SV2B: variants seen among roughly 807,000 people sequenced by gnomAD.
SV2B encodes synaptic vesicle glycoprotein 2B.
A neutral mutation model predicts 73.9 loss-of-function variants in SV2B; 41 were observed. That is an observed-to-expected ratio of 0.56 (90% CI 0.43 to 0.72). SV2B has a LOEUF of 0.72. Among genes scored for constraint, SV2B ranks in the 30% least tolerant of loss-of-function variants. The pLI is 0.00. For synonymous variants in SV2B, 314 were observed against 314.2 expected (o/e 1.00, Z 0.01); for missense variants, 764 against 857.8 (o/e 0.89, Z 1.37).
intron 1 of SV2B, among the ~76,000 whole-genome samples, chr15:91,216,291 G>A (rs1039097943): frequency 2.6e-5 from 4 of 152,114 alleles, no homozygotes; most frequent in African/African-American, 9.7e-5. Context: ...TGGTCAGAAA[G>A]TTGATAACAA....
At chr15:91,155,684 C>A (rs1371975823) in intron 1 of SV2B, among the ~76,000 whole-genome samples, 1 of 152,096 alleles carries the variant, frequency 6.6e-6, no homozygotes, top group Non-Finnish European at 1.5e-5. Flanking sequence ...ATGCCCTACT[C>A]CCTCACAGTA....
chr15:91,258,907 GGAGACCTCAT>G lies in SV2B; in HGVS notation c.918+354_918+363del, dbSNP rs2047804050. On this transcript the variant is annotated intron_variant, in intron 5 of 12. Coordinates refer to ENST00000394232, the MANE Select transcript of SV2B (RefSeq NM_001323032.3). This position sits in a 1 kb window ranked among gnomAD's most constrained non-coding sequence, Gnocchi z 4.7. The stretch of plus-strand genomic sequence containing the variant: ...AAGTTTTTTAGCCTGGGCTACACAG[GGAGACCTCAT>G]CTCTACAAAAAAAAAAAAAAAAAAA... Among the ~76,000 whole-genome samples the G allele has an allele frequency of 6.8e-6, 1 of 147,860 alleles. No individual in the cohort carries two copies. The highest frequency in any genetic ancestry group is 2.6e-5 in the African/African-American group (1 of 39,050).
At chr15:91,117,821 G>C (rs2042223296) in intron 1 of SV2B, among the ~76,000 whole-genome samples, 1 of 152,150 alleles carries the variant, frequency 6.6e-6, no homozygotes, top group Non-Finnish European at 1.5e-5. Context: ...TATTACATGG[G>C]GGAAAAGAAT....
chr15:91,110,098 G>C lies in SV2B; in HGVS notation c.-392+9735G>C, dbSNP rs888091053. ...CATTACAAATCACGCTCACTCAGGA[G>C]TAATGATGGACAGCTCATTTATCCA... On this transcript the variant is annotated intron_variant, in intron 1 of 12. Coordinates refer to ENST00000394232, the MANE Select transcript of SV2B (RefSeq NM_001323032.3). The surrounding 1 kb of genome is among the most constrained non-coding windows in gnomAD (Gnocchi z 5.4). 6.6e-6 allele frequency among the ~76,000 whole-genome samples: 1 copy of C among 152,150 alleles called. No homozygotes were observed. The highest frequency in any genetic ancestry group is 1.5e-5 in the Non-Finnish European group (1 of 68,020).
Position 91,110,649 on chromosome 15 carries a change from G to T in SV2B, c.-392+10286G>T, listed in dbSNP as rs1001759477. 1.3e-5 allele frequency among the ~76,000 whole-genome samples: 2 copies of T among 152,140 alleles called. No individual in the cohort carries two copies. Among genetic ancestry groups the T allele is most frequent in the Admixed American group, 6.5e-5 (1 of 15,270 alleles). The stretch of plus-strand genomic sequence containing the variant: ...TCTGCGGGAGAGGAAGAGGCACCGT[G>T]GGGTGGCCTGCCCTAGGCAAAGTGC... On this transcript the variant is annotated intron_variant, in intron 1 of 12. Transcript: ENST00000394232. The surrounding 1 kb of genome is among the most constrained non-coding windows in gnomAD (Gnocchi z 5.4).
Position 91,268,804 on chromosome 15 carries a change from C to T in SV2B, c.1373+199C>T, listed in dbSNP as rs1174808838. On this transcript the variant is annotated intron_variant, in intron 9 of 12. Coordinates refer to ENST00000394232, the MANE Select transcript of SV2B (RefSeq NM_001323032.3). The surrounding 1 kb of genome is among the most constrained non-coding windows in gnomAD (Gnocchi z 4.4). ...CTGTGTCTGTGTTGTGCTGGCTCCC[C>T]GACACCCTAATCTCCTGGTGAGAGC... Among the ~76,000 whole-genome samples the T allele has an allele frequency of 1.3e-5, 2 of 152,122 alleles. No homozygotes were observed. The highest frequency in any genetic ancestry group is 4.8e-5 in the African/African-American group (2 of 41,420).
intron 1 of SV2B, among the ~76,000 whole-genome samples, chr15:91,213,409 C>T (rs1484484122): frequency 6.6e-6 from 1 of 152,126 alleles, no homozygotes; most frequent in Non-Finnish European, 1.5e-5. Context: ...GCTGTGTGAC[C>T]TTGGCAAGTG....
chr15:91,251,893 CG>C lies in SV2B; in HGVS notation c.527del (p.Arg176GlnfsTer69). On this transcript the variant is annotated frameshift_variant, in exon 3 of 13. Transcript: ENST00000394232. LOFTEE classifies it high-confidence loss of function. ...GGLADKLGRK[R>X]VLSMSLAVNA... ...CCTGGCTGATAAGCTGGGAAGGAAG[CG>C]AGTCCTCAGCATGTCTCTGGCCGTC... The C allele has an allele frequency of 6.2e-7, 1 of 1,614,166 alleles. No homozygotes were observed. Among genetic ancestry groups the C allele is most frequent in the Non-Finnish European group, 8.5e-7 (1 of 1,180,032 alleles).
chr15:91,163,412 C>T (rs564520785), intron 1 of SV2B, among the ~76,000 whole-genome samples: 5 of 152,316 alleles, frequency 3.3e-5, no homozygotes, highest in African/African-American at 1.2e-4. Flanking sequence ...TCTCCACATC[C>T]TCTCCAGTAC....
At position 91,283,985 on chromosome 15, in the gene SV2B, C is replaced by G; in HGVS notation, c.1508-36C>G. On this transcript the variant is annotated intron_variant, in intron 10 of 12. Coordinates refer to ENST00000394232, the MANE Select transcript of SV2B (RefSeq NM_001323032.3). The surrounding 1 kb of genome is among the most constrained non-coding windows in gnomAD (Gnocchi z 4.3). The stretch of plus-strand genomic sequence containing the variant: ...TGCCTTTCTCTCTCCAGCTCCCTTC[C>G]ACTTACATGAACCGAAGGTTTCCTT... 6.2e-7 allele frequency: 1 copy of G among 1,608,570 alleles called. No individual in the cohort carries two copies. The highest frequency in any genetic ancestry group is 8.5e-7 in the Non-Finnish European group (1 of 1,175,394).
In SV2B at chr15:91,137,740, C is replaced by T. The variant is rs891908012; in HGVS notation, c.-392+37377C>T. 5.3e-5 allele frequency among the ~76,000 whole-genome samples: 8 copies of T among 151,224 alleles called. No individual in the cohort carries two copies. Among genetic ancestry groups the T allele is most frequent in the African/African-American group, 1.2e-4 (5 of 41,186 alleles). On this transcript the variant is annotated intron_variant, in intron 1 of 12. Coordinates refer to ENST00000394232, the MANE Select transcript of SV2B (RefSeq NM_001323032.3). The surrounding 1 kb of genome is among the most constrained non-coding windows in gnomAD (Gnocchi z 4.9). Reference sequence around the variant, plus strand: ...ATTGTAGCCAACAGCATTAATTCATCGGAACACATCAAATATGTTTAACCT... The same window carrying T: ...ATTGTAGCCAACAGCATTAATTCATTGGAACACATCAAATATGTTTAACCT...
chr15:91,281,565 T>A lies in SV2B; in HGVS notation c.1374-163T>A, dbSNP rs1053095533. Among the ~76,000 whole-genome samples, 1 of 152,228 alleles carries A rather than the reference T, an allele frequency of 6.6e-6. No individual in the cohort carries two copies. Among genetic ancestry groups the A allele is most frequent in the African/African-American group, 2.4e-5 (1 of 41,460 alleles). On this transcript the variant is annotated intron_variant, in intron 9 of 12. Transcript: ENST00000394232. The surrounding 1 kb of genome is among the most constrained non-coding windows in gnomAD (Gnocchi z 4.7). ...AGGTCCTGAAGCCCTTCCCCACTAA[T>A]AAACAAACAGCTAAGAAGTGGGGAA...
Position 91,283,871 on chromosome 15 carries a change from G to GCCACATATTACCTTGACGACATGA in SV2B, c.1508-133_1508-132insGACATGACCACATATTACCTTGAC. The GCCACATATTACCTTGACGACATGA allele has an allele frequency of 1.3e-6, 1 of 772,966 alleles. No individual in the cohort carries two copies. The allele number at this position is 772,966 out of a possible 1,614,324, so 47.9% of individuals were successfully genotyped here. The stretch of plus-strand genomic sequence containing the variant: ...TCCTCATCCATACCTTGATGACATG[G>GCCACATATTACCTTGACGACATGA]CCACATATTACCTTGACTTTGAGGC... On this transcript the variant is annotated intron_variant, in intron 10 of 12. Coordinates refer to ENST00000394232, the MANE Select transcript of SV2B (RefSeq NM_001323032.3). The surrounding 1 kb of genome is among the most constrained non-coding windows in gnomAD (Gnocchi z 4.3).
intron 9 of SV2B, among the ~76,000 whole-genome samples, chr15:91,274,501 A>G (rs2048419757): frequency 6.6e-6 from 1 of 152,202 alleles, no homozygotes; most frequent in South Asian, 2.1e-4. Flanking sequence ...GTATTTGTAT[A>G]TTCAGGTGCG....
rs142861264 is a variant in SV2B at position 91,221,690 on chromosome 15, T to TGTGCACGCGCGC, written c.-391-4182_-391-4181insTGCACGCGCGCG. On this transcript the variant is annotated intron_variant, in intron 1 of 12. Coordinates refer to ENST00000394232, the MANE Select transcript of SV2B (RefSeq NM_001323032.3). ...CACCTGTGGACTATTACCAAGCATGTGCGCACACACACACACACACACACA... is the reference window on the plus strand; with the variant it reads ...CACCTGTGGACTATTACCAAGCATGTGTGCACGCGCGCGCGCACACACACACACACACACACA... 1.5e-3 allele frequency among the ~76,000 whole-genome samples: 164 copies of TGTGCACGCGCGC among 111,044 alleles called. 2 individuals are homozygous for TGTGCACGCGCGC. Among genetic ancestry groups the TGTGCACGCGCGC allele is most frequent in the African/African-American group, 3.6e-3 (122 of 34,018 alleles). 72.8% of individuals were successfully genotyped at this position (111,044 alleles called of 152,430 possible). A position where few individuals can be genotyped will look rare whatever the true frequency, so the allele number is the denominator to read the frequency against.
chr15:91,220,385 T>C lies in SV2B; in HGVS notation c.-391-5488T>C, dbSNP rs960484411. Among the ~76,000 whole-genome samples the C allele has an allele frequency of 1.6e-4, 24 of 152,210 alleles. No homozygotes were observed. The highest frequency in any genetic ancestry group is 5.8e-4 in the African/African-American group (24 of 41,452). On this transcript the variant is annotated intron_variant, in intron 1 of 12. Coordinates refer to ENST00000394232, the MANE Select transcript of SV2B (RefSeq NM_001323032.3). The surrounding 1 kb of genome is among the most constrained non-coding windows in gnomAD (Gnocchi z 4.1). ...GCCTTTAATATAGCAATGTGCATTG[T>C]GCATTTCTGAAAGAGAATAGTGAAT...
intron 1 of SV2B, among the ~76,000 whole-genome samples, chr15:91,158,146 G>C (rs1340362789): frequency 3.9e-5 from 6 of 152,176 alleles, no homozygotes; most frequent in Non-Finnish European, 5.9e-5. Context: ...CCAATGTGAT[G>C]GTGTTGGGAG....
intron 2 of SV2B, among the ~76,000 whole-genome samples, chr15:91,244,064 C>A (rs2047129769): frequency 6.6e-6 from 1 of 152,136 alleles, no homozygotes. Context: ...ATTGGTGACT[C>A]ACTCAACTAT....
At chr15:91,208,597 G>A (rs1467485654) in intron 1 of SV2B, among the ~76,000 whole-genome samples, 2 of 152,200 alleles carry the variant, frequency 1.3e-5, no homozygotes, top group African/African-American at 4.8e-5. Flanking sequence ...GCAGTGATGT[G>A]CCATCTGTTT....
Sources: gnomAD v4.1 joint callset for allele counts (sites outside exome capture counted in the v4.1 genomes callset) on GRCh38, gnomAD v4.1.1 for gene constraint, Gnocchi (gnomAD v3.1) non-coding constraint, MANE v1.5 for transcripts, NCBI Gene and HGNC (gene_info 2026-07-23, HGNC 2026-07-21) for gene names.